Variants in MYCBP2 observed in about 807,000 individuals in gnomAD.
The protein encoded by MYCBP2 is E3 ubiquitin-protein ligase MYCBP2.
MYCBP2 carries 120 observed loss-of-function variants against 525.3 expected under a neutral mutation model. The ratio of observed to expected loss-of-function variants is 0.23; its 90% CI spans 0.20 to 0.27. MYCBP2 has a LOEUF of 0.27. Among genes scored for constraint, MYCBP2 ranks in the 10% least tolerant of loss-of-function variants. MYCBP2 has a pLI of 1.00. For synonymous variants in MYCBP2, 1,894 were observed against 1,955.8 expected (o/e 0.97, Z 0.83); for missense variants, 4,149 against 5,657.1 (o/e 0.73, Z 8.55).
intron 26 of MYCBP2, among the ~76,000 whole-genome samples, chr13:77,201,556 A>G (rs2062564366): frequency 1.3e-5 from 2 of 151,910 alleles, no homozygotes; most frequent in East Asian, 1.9e-4. Context: ...ATAGACATCT[A>G]CAGAACTCTC....
intron 30 of MYCBP2, 108 bp downstream of exon 30, chr13:77,188,843 T>A: frequency 3.2e-6 from 2 of 623,742 alleles, no homozygotes; most frequent in Non-Finnish European, 5.0e-6. Context: ...CAAATCTGAG[T>A]TTATAAATCT....
chr13:77,158,660 C>A (rs1171188001), intron 44 of MYCBP2, among the ~76,000 whole-genome samples: 6 of 152,112 alleles, frequency 3.9e-5, no homozygotes, highest in Non-Finnish European at 1.5e-5. Flanking sequence ...GTTGCCCAGG[C>A]TGGTCTTGAA....
intron 55 of MYCBP2, among the ~76,000 whole-genome samples, chr13:77,109,203 C>T (rs2048365067): frequency 6.6e-6 from 1 of 152,094 alleles, no homozygotes; most frequent in African/African-American, 2.4e-5. Context: ...GGACTGGTTT[C>T]TTGGGAGACA....
At chr13:77,226,723 T>C (rs577961910) in intron 18 of MYCBP2, among the ~76,000 whole-genome samples, 2 of 152,188 alleles carry the variant, frequency 1.3e-5, no homozygotes, top group Non-Finnish European at 1.5e-5. Flanking sequence ...TGAGACAAAA[T>C]CTACCTACAT....
chr13:77,244,121 A>T (rs185640464), intron 15 of MYCBP2, among the ~76,000 whole-genome samples, 170 bp from the exon 16 acceptor site: 46 of 152,372 alleles, frequency 3.0e-4, no homozygotes, highest in Non-Finnish European at 5.4e-4. Flanking sequence ...AGATATAAAT[A>T]GCAGAATAAT....
chr13:77,053,651 C>A (rs1041305461), intron 80 of MYCBP2, among the ~76,000 whole-genome samples: 3 of 152,152 alleles, frequency 2.0e-5, no homozygotes, highest in African/African-American at 2.4e-5. Flanking sequence ...ATGTTTAGTA[C>A]ATGAAACACA....
rs569582925 is a variant in MYCBP2, at chr13:77,244,690, C to T, written c.2382-739G>A. Among the ~76,000 whole-genome samples, 6 of 152,272 alleles carry T rather than the reference C, an allele frequency of 3.9e-5. No homozygotes were observed. The East Asian group carries it at 1.2e-3, about 29-fold the overall frequency. ...GGGATCTAATTAAACTAAAGAGCTT[C>T]TGCACAGCAAAAGAAAGTATCATCA... On this transcript the variant is annotated intron_variant, in intron 15 of 82. Coordinates refer to ENST00000544440, the MANE Select transcript of MYCBP2 (RefSeq NM_015057.5).
chr13:77,190,202 T>C lies in MYCBP2; in HGVS notation c.4154+50A>G, dbSNP rs778858048. 2.4e-6 allele frequency: 3 copies of C among 1,250,282 alleles called. No homozygotes were observed. In the East Asian group the frequency reaches 7.1e-5, roughly 30 times the overall value. 77.4% of individuals were successfully genotyped at this position (1,250,282 alleles called of 1,614,324 possible). A position where few individuals can be genotyped will look rare whatever the true frequency, so the allele number is the denominator to read the frequency against. On this transcript the variant is annotated intron_variant, in intron 29 of 82. Coordinates refer to ENST00000544440, the MANE Select transcript of MYCBP2 (RefSeq NM_015057.5). The stretch of plus-strand genomic sequence containing the variant: ...CACGTTTTGTAATGATTCTACTTCA[T>C]TATAGCAAAATAATAAACCATACTA...
chr13:77,278,146 T>C (rs2154350695), intron 4 of MYCBP2, among the ~76,000 whole-genome samples: 1 of 152,348 alleles, frequency 6.6e-6, no homozygotes, highest in Admixed American at 6.5e-5. Flanking sequence ...CCCCTCAATT[T>C]AGAAACTAAT....
intron 52 of MYCBP2, among the ~76,000 whole-genome samples, chr13:77,127,415 C>A (rs1254865931): frequency 1.3e-5 from 2 of 151,828 alleles, no homozygotes; most frequent in Non-Finnish European, 2.9e-5. Context: ...TCCATATTTT[C>A]TCTTTTTCCC....
chr13:77,326,400 C>T lies in MYCBP2; in HGVS notation c.302+74G>A, dbSNP rs1594942307. On this transcript the variant is annotated intron_variant, in intron 1 of 82. Transcript: ENST00000544440. The surrounding 1 kb of genome is among the most constrained non-coding windows in gnomAD (Gnocchi z 4.2). The stretch of plus-strand genomic sequence containing the variant: ...GTACACACACGCAAGCACACACACA[C>T]GCGGGTGCACGCGCGGCATGGGGCG... 2.8e-6 allele frequency: 4 copies of T among 1,406,512 alleles called. No homozygotes were observed. Among genetic ancestry groups the T allele is most frequent in the South Asian group, 2.8e-5 (2 of 72,252 alleles). 87.1% of individuals were successfully genotyped at this position (1,406,512 alleles called of 1,614,324 possible). A position where few individuals can be genotyped will look rare whatever the true frequency, so the allele number is the denominator to read the frequency against.
intron 14 of MYCBP2, among the ~76,000 whole-genome samples, chr13:77,255,804 C>A (rs750680701): frequency 6.6e-5 from 10 of 152,000 alleles, no homozygotes; most frequent in Admixed American, 3.3e-4. Context: ...GACATCAAAG[C>A]CTCAAAACAG....
intron 37 of MYCBP2, among the ~76,000 whole-genome samples, chr13:77,172,413 G>A (rs2059234524): frequency 2.0e-5 from 3 of 152,232 alleles, no homozygotes; most frequent in Non-Finnish European, 4.4e-5. Flanking sequence ...TTTTATACTG[G>A]TATGAGAATG....
chr13:77,049,160 C>G (rs2036210708), intron 82 of MYCBP2, among the ~76,000 whole-genome samples: 2 of 152,146 alleles, frequency 1.3e-5, no homozygotes, highest in Non-Finnish European at 2.9e-5. Context: ...TTTCCACACT[C>G]CCTTCACTTG....
chr13:77,314,914 A>C (rs1315588566), intron 1 of MYCBP2, among the ~76,000 whole-genome samples: 1 of 152,154 alleles, frequency 6.6e-6, no homozygotes, highest in African/African-American at 2.4e-5. Context: ...CTATGAACTT[A>C]AAACTGCTCT....
At chr13:77,283,092 T>C (rs754293927) in intron 3 of MYCBP2, among the ~76,000 whole-genome samples, 14 of 152,156 alleles carry the variant, frequency 9.2e-5, no homozygotes, top group Non-Finnish European at 1.8e-4. Context: ...GTTACTTACT[T>C]ACTGGAGTAC....
chr13:77,223,886 G>C (rs968992194), intron 20 of MYCBP2, among the ~76,000 whole-genome samples: 1 of 151,860 alleles, frequency 6.6e-6, no homozygotes, highest in Non-Finnish European at 1.5e-5. Context: ...TTAGCTGCAC[G>C]ATCATGTCAC....
chr13:77,077,314 A>G lies in MYCBP2; in HGVS notation c.11558T>C (p.Ile3853Thr), dbSNP rs771826900. The stretch of plus-strand genomic sequence containing the variant: ...TGTATTTTCTGGGCCTTTTAATTCA[A>G]TTTTTATGATGTGATTATCCCCTCC... ...LPGGDNHIIK[I>T]ELKGPENTLR... The change falls in exon 67 of 83, where the codon ATT becomes ACT. Residue 3853 changes from isoleucine (I) to threonine (T), a missense_variant. This residue lies in a region of MYCBP2 where 509 missense variants were observed against 789.4 expected (regional missense o/e 0.64). Transcript: ENST00000544440. 8 of 1,613,818 alleles carry G rather than the reference A, an allele frequency of 5.0e-6. No homozygotes were observed. In the African/African-American group the frequency reaches 8.0e-5, roughly 16 times the overall value.
intron 18 of MYCBP2, among the ~76,000 whole-genome samples, chr13:77,225,983 T>G (rs1403307276): frequency 1.3e-5 from 2 of 152,232 alleles, no homozygotes; most frequent in Non-Finnish European, 2.9e-5. Context: ...TGCTAATGGA[T>G]TCACAAGTGA....
Sources: allele counts gnomAD v4.1 joint callset (sites outside exome capture counted in the v4.1 genomes callset), GRCh38; gene constraint gnomAD v4.1.1; regional missense constraint gnomAD v4.1.1; non-coding constraint Gnocchi (gnomAD v3.1); transcripts MANE v1.5; gene names NCBI Gene and HGNC (gene_info 2026-07-23, HGNC 2026-07-21).